CAMK2A: variants seen among roughly 807,000 people sequenced by gnomAD.
The protein encoded by CAMK2A is calcium/calmodulin dependent protein kinase II alpha, also known as calcium/calmodulin-dependent protein kinase type II subunit alpha.
CAMK2A carries 7 observed loss-of-function variants against 79.2 expected under a neutral mutation model. The observed-to-expected ratio is 0.09, with a 90% CI of 0.05 to 0.17. The LOEUF (loss-of-function observed/expected upper bound fraction) is 0.17. Ranked by LOEUF, CAMK2A falls within the 10% of genes least tolerant of loss-of-function variation. The pLI, the probability that CAMK2A is intolerant of heterozygous loss-of-function variation, is 1.00. For missense variants in CAMK2A, 214 were observed against 646.4 expected (o/e 0.33, Z 7.25); for synonymous variants, 242 against 251.7 (o/e 0.96, Z 0.36).
chr5:150,225,817 T>A (rs1346352620), intron 17 of CAMK2A, among the ~76,000 whole-genome samples: 1 of 152,208 alleles, frequency 6.6e-6, no homozygotes, highest in Non-Finnish European at 1.5e-5. Context: ...TGATCTCAGC[T>A]TACTGAAACT....
At chr5:150,275,109 C>T (rs1334007230) in intron 1 of CAMK2A, among the ~76,000 whole-genome samples, 3 of 152,332 alleles carry the variant, frequency 2.0e-5, no homozygotes, top group Middle Eastern at 3.4e-3. Flanking sequence ...AGCCAGGATA[C>T]GGACTAGAGA....
At chr5:150,283,595 A>C (rs568289059) in intron 1 of CAMK2A, among the ~76,000 whole-genome samples, 1 of 152,170 alleles carries the variant, frequency 6.6e-6, no homozygotes, top group Non-Finnish European at 1.5e-5. Flanking sequence ...CGCCTCAGGG[A>C]ACTTTCCCTG....
chr5:150,264,913 A>AGGG (rs752878200), intron 3 of CAMK2A, 43 bp downstream of exon 3: 21 of 1,512,662 alleles, frequency 1.4e-5, no homozygotes, highest in Non-Finnish European at 1.8e-5. Flanking sequence ...GCAGGGGAGC[A>AGGG]GGGCCTGGCT....
chr5:150,289,604 G>C lies in CAMK2A; in HGVS notation c.22C>G (p.Arg8Gly). 2 of 1,613,982 alleles carry C rather than the reference G, an allele frequency of 1.2e-6. No homozygotes were observed. The highest frequency in any genetic ancestry group is 1.7e-6 in the Non-Finnish European group (2 of 1,179,902). The change falls in exon 1 of 19, where the codon CGC (arginine) becomes GGC (glycine). Residue 8 changes from arginine (R) to glycine (G), a missense_variant. Transcript: ENST00000671881. MATITCT[R>G]FTEEYQLFEE... ...AAGAGCTGGTACTCTTCCGTGAAGC[G>C]GGTGCAGGTGATGGTGGCCATCCTG...
At chr5:150,264,250 TG>T (rs1756413357) in intron 3 of CAMK2A, among the ~76,000 whole-genome samples, 1 of 152,144 alleles carries the variant, frequency 6.6e-6, no homozygotes, top group South Asian at 2.1e-4. Context: ...CCTCAGAGGA[TG>T]GGGGGAAGTG....
chr5:150,259,931 T>G (rs773437618), intron 3 of CAMK2A, among the ~76,000 whole-genome samples: 4 of 152,112 alleles, frequency 2.6e-5, no homozygotes, highest in Non-Finnish European at 4.4e-5. Flanking sequence ...ATCATGCCAC[T>G]GCACTCCAGC....
At chr5:150,265,675 C>A (rs1355119975) in intron 2 of CAMK2A, among the ~76,000 whole-genome samples, 1 of 152,162 alleles carries the variant, frequency 6.6e-6, no homozygotes, top group African/African-American at 2.4e-5. Context: ...GGCACAGTGG[C>A]TCACACCTAT....
intron 12 of CAMK2A, 138 bp from the exon 13 acceptor site, chr5:150,245,339 C>T (rs1197451746): frequency 7.6e-6 from 2 of 263,352 alleles, no homozygotes; most frequent in East Asian, 8.0e-5. Flanking sequence ...CTGGGGGAGG[C>T]CTCCTCCTCC....
In CAMK2A at chr5:150,219,884, T is replaced by TATTA. The variant is rs1754220885; in HGVS notation, c.*2822_*2825dup. On this transcript the variant is annotated 3_prime_UTR_variant, in exon 19 of 19. Transcript: ENST00000671881. ...TTATTTATTTATTTATTATTATTATTATTATTATTTTGCATCTAAAGGATG... is the reference window on the plus strand; with the variant it reads ...TTATTTATTTATTTATTATTATTATTATTAATTATTATTTTGCATCTAAAGGATG... The TATTA allele has an allele frequency of 6.8e-6, 1 of 148,114 alleles. No individual in the cohort carries two copies. Among genetic ancestry groups the TATTA allele is most frequent in the Non-Finnish European group, 1.5e-5 (1 of 66,466 alleles). 9.2% of individuals were successfully genotyped at this position (148,114 alleles called of 1,614,324 possible).
At chr5:150,226,222 T>G (rs1754592326) in intron 17 of CAMK2A, among the ~76,000 whole-genome samples, 1 of 152,116 alleles carries the variant, frequency 6.6e-6, no homozygotes, top group African/African-American at 2.4e-5. Flanking sequence ...TTTGCTAATG[T>G]GCAGATACAG....
At chr5:150,233,791 TTGTG>T (rs1435295170) in intron 15 of CAMK2A, among the ~76,000 whole-genome samples, 3 of 151,996 alleles carry the variant, frequency 2.0e-5, no homozygotes, top group African/African-American at 7.2e-5. Context: ...TTTTGTTTGT[TTGTG>T]TTTTTGTTTG....
intron 16 of CAMK2A, among the ~76,000 whole-genome samples, chr5:150,230,016 A>G (rs559594817): frequency 1.1e-4 from 16 of 152,044 alleles, no homozygotes; most frequent in African/African-American, 3.6e-4. Flanking sequence ...CTCTCCCACA[A>G]TTAGAATGCA....
chr5:150,264,309 G>A (rs1756416224), intron 3 of CAMK2A, among the ~76,000 whole-genome samples: 1 of 152,224 alleles, frequency 6.6e-6, no homozygotes, highest in Non-Finnish European at 1.5e-5. Flanking sequence ...GCAATTCCCT[G>A]ACAGAATTAG....
intron 7 of CAMK2A, among the ~76,000 whole-genome samples, chr5:150,253,079 AT>A (rs533379690): frequency 1.6e-4 from 24 of 152,336 alleles, no homozygotes; most frequent in Admixed American, 1.6e-3. Context: ...CATCTATAAA[AT>A]CAGGATAATA....
chr5:150,283,642 C>A (rs1165225019), intron 1 of CAMK2A, among the ~76,000 whole-genome samples: 2 of 152,202 alleles, frequency 1.3e-5, no homozygotes, highest in Non-Finnish European at 2.9e-5. Flanking sequence ...GGTCTCTTTG[C>A]AGCTCACAAT....
At chr5:150,242,989 G>A (rs1312344132) in intron 13 of CAMK2A, among the ~76,000 whole-genome samples, 2 of 152,240 alleles carry the variant, frequency 1.3e-5, no homozygotes, top group African/African-American at 4.8e-5. Context: ...TGAGAAGTCT[G>A]TCCTGCGCCA....
chr5:150,246,525 T>C (rs1002204529), intron 12 of CAMK2A, among the ~76,000 whole-genome samples: 2 of 152,176 alleles, frequency 1.3e-5, no homozygotes, highest in African/African-American at 4.8e-5. Context: ...TTCAAAAAAA[T>C]TTTTAAAACA....
In CAMK2A at chr5:150,228,241, C is replaced by T. The variant is rs1240044509; in HGVS notation, c.1188G>A (p.Leu396=). 1 of 1,613,902 alleles carries T rather than the reference C, an allele frequency of 6.2e-7. No individual in the cohort carries two copies. The highest frequency in any genetic ancestry group is 8.5e-7 in the Non-Finnish European group (1 of 1,179,988). ...AGTCCAGGCCCTCAACCAGGTTCCC[C>T]AGGGCCTCAGGTTCGAAGGCTGTCA... is the stretch of plus-strand genomic sequence containing the variant. ...PGMTAFEPEA[L]GNLVEGLDFH... The change falls in exon 17 of 19, where the codon CTG becomes CTA. Residue 396 remains leucine (L), a synonymous_variant. Coordinates refer to ENST00000671881, the MANE Select transcript of CAMK2A (RefSeq NM_015981.4).
Position 150,289,632 on chromosome 5 carries a change from G to T in CAMK2A, c.-7C>A, listed in dbSNP as rs558645371. On this transcript the variant is annotated 5_prime_UTR_variant, in exon 1 of 19. Coordinates refer to ENST00000671881, the MANE Select transcript of CAMK2A (RefSeq NM_015981.4). Reference sequence around the variant, plus strand: ...TGCAGGTGATGGTGGCCATCCTGGCGCTGGGCAGGCAGGTGAGGCTTGGGA... The same window carrying T: ...TGCAGGTGATGGTGGCCATCCTGGCTCTGGGCAGGCAGGTGAGGCTTGGGA... The T allele has an allele frequency of 1.2e-6, 2 of 1,612,770 alleles. No individual in the cohort carries two copies. Among genetic ancestry groups the T allele is most frequent in the Non-Finnish European group, 1.7e-6 (2 of 1,179,172 alleles).
Sources: gnomAD v4.1 joint callset for allele counts (sites outside exome capture counted in the v4.1 genomes callset) on GRCh38, gnomAD v4.1.1 for gene constraint, MANE v1.5 for transcripts, NCBI Gene and HGNC (gene_info 2026-07-23, HGNC 2026-07-21) for gene names.